Variants in PFKFB2 observed in about 807,000 individuals in gnomAD.
The protein encoded by PFKFB2 is 6-phosphofructo-2-kinase/fructose-2,6-biphosphatase 2, also known as 6-phosphofructo-2-kinase/fructose-2,6-bisphosphatase 2.
In PFKFB2, 53 loss-of-function variants were observed where a neutral mutation model predicts 68.0. The observed-to-expected ratio is 0.78, with a 90% CI of 0.63 to 0.98. The LOEUF (loss-of-function observed/expected upper bound fraction) is 0.98. PFKFB2 is among the 50% of genes least tolerant of loss of function. The pLI is 0.00. For synonymous variants in PFKFB2, 222 were observed against 227.6 expected (o/e 0.98, Z 0.22); for missense variants, 451 against 642.0 (o/e 0.70, Z 3.22).
chr1:207,069,557 T>G, intron 11 of PFKFB2, 29 bp downstream of exon 11: 1 of 1,377,146 alleles, frequency 7.3e-7, no homozygotes, highest in Non-Finnish European at 1.0e-6. Context: ...GTAAAGTGAC[T>G]GCCTAGACCC....
Position 207,074,097 on chromosome 1 carries a change from G to A in PFKFB2, c.*1726G>A, listed in dbSNP as rs1007764318. 16 of 895,848 alleles carry A rather than the reference G, an allele frequency of 1.8e-5. No individual in the cohort carries two copies. Among genetic ancestry groups the A allele is most frequent in the Non-Finnish European group, 5.3e-6 (4 of 749,244 alleles). The allele number at this position is 895,848 out of a possible 1,614,324, so 55.5% of individuals were successfully genotyped here. A position where few individuals can be genotyped will look rare whatever the true frequency, so the allele number is the denominator to read the frequency against. On this transcript the variant is annotated 3_prime_UTR_variant, in exon 15 of 15. Transcript: ENST00000367080. ...CTTAATACTGACTCAGAATCTCTGG[G>A]ATCTGGGTCTGGACATGCATGTATT...
chr1:207,055,494 A>T (rs1280332808), intron 2 of PFKFB2, among the ~76,000 whole-genome samples: 2 of 152,162 alleles, frequency 1.3e-5, no homozygotes, highest in Non-Finnish European at 2.9e-5. Flanking sequence ...ATTTCTAAGC[A>T]TCATAGGCTG....
At chr1:207,079,130 G>A, downstream of PFKFB2, 1 of 901,160 alleles carries the variant, frequency 1.1e-6, no homozygotes, top group Non-Finnish European at 1.8e-6. Context: ...ACTGGACTTT[G>A]GGGGCCACCA....
chr1:207,048,556 C>T (rs41277170), upstream of PFKFB2: 2,377 of 156,892 alleles, frequency 0.015, 45 homozygotes, highest in East Asian at 0.078. Context: ...TCACAGGAGG[C>T]CTTCCACATT....
At chr1:207,042,945 A>G (rs1039991839) in intron 2 of PFKFB2, among the ~76,000 whole-genome samples, 1 of 152,212 alleles carries the variant, frequency 6.6e-6, no homozygotes, top group African/African-American at 2.4e-5. Context: ...AAACTGGTAT[A>G]AGCCATAAGA....
intron 10 of PFKFB2, 116 bp from the exon 11 acceptor site, chr1:207,069,308 C>G: frequency 1.4e-6 from 1 of 704,522 alleles, no homozygotes; most frequent in Non-Finnish European, 2.5e-6. Context: ...GGACCCAGCA[C>G]AGTGCCTGGC....
At chr1:207,041,340 C>T (rs544669726) in intron 1 of PFKFB2, among the ~76,000 whole-genome samples, 4 of 152,010 alleles carry the variant, frequency 2.6e-5, no homozygotes, top group Admixed American at 6.5e-5. Context: ...CCCATGAACC[C>T]GTCATCTACA....
chr1:207,077,585 G>C lies in PFKFB2; in HGVS notation c.*5214G>C, dbSNP rs886991067. The C allele has an allele frequency of 7.1e-6, 7 of 985,794 alleles. No individual in the cohort carries two copies. Among genetic ancestry groups the C allele is most frequent in the Non-Finnish European group, 8.4e-6 (7 of 829,908 alleles). 61.1% of individuals were successfully genotyped at this position (985,794 alleles called of 1,614,324 possible). On this transcript the variant is annotated 3_prime_UTR_variant, in exon 15 of 15. Coordinates refer to ENST00000367080, the MANE Select transcript of PFKFB2 (RefSeq NM_006212.2). ...GGCTGAGCACCTCTGGGTTGAATGG[G>C]AATGGGTCAGATTGGGAAGCCTAGG...
chr1:207,050,828 C>T, upstream of PFKFB2: 1 of 1,613,182 alleles, frequency 6.2e-7, no homozygotes, highest in Non-Finnish European at 8.5e-7. Flanking sequence ...TTCCCGCACC[C>T]GGGTCCGGCT....
chr1:207,064,421 A>G (rs1203902168), intron 7 of PFKFB2, among the ~76,000 whole-genome samples: 1 of 152,100 alleles, frequency 6.6e-6, no homozygotes, highest in Non-Finnish European at 1.5e-5. Flanking sequence ...AGAAAAAAAA[A>G]AAAGAATAGA....
upstream of PFKFB2, among the ~76,000 whole-genome samples, chr1:207,052,488 C>T (rs1009268566): frequency 6.6e-6 from 1 of 152,020 alleles, no homozygotes; most frequent in African/African-American, 2.4e-5. Flanking sequence ...ATGGAGAAAC[C>T]CCGTCTCTAC....
chr1:207,055,004 G>A, intron 2 of PFKFB2: 2 of 518,968 alleles, frequency 3.9e-6, no homozygotes, highest in East Asian at 3.4e-5. Context: ...TTGACTACTG[G>A]TGTAGTCCAG....
chr1:207,047,280 T>C (rs1682623285), intron 2 of PFKFB2: 1 of 152,562 alleles, frequency 6.6e-6, no homozygotes. Context: ...CTAAAATAAC[T>C]ATGCACACAA....
intron 1 of PFKFB2, among the ~76,000 whole-genome samples, chr1:207,040,521 A>G (rs1268044997): frequency 6.6e-6 from 1 of 151,468 alleles, no homozygotes; most frequent in Non-Finnish European, 1.5e-5. Context: ...AGCTATTAAT[A>G]GTTTCTTAGG....
At chr1:207,050,070 G>T (rs1230988975), upstream of PFKFB2, among the ~76,000 whole-genome samples, 1 of 152,162 alleles carries the variant, frequency 6.6e-6, no homozygotes, top group African/African-American at 2.4e-5. Context: ...CCGCTAGGGG[G>T]TTCTCCTTCT....
In PFKFB2 at chr1:207,061,963, C is replaced by A. The variant is rs751945805; in HGVS notation, c.96C>A (p.Ser32=). The change falls in exon 3 of 15, where the codon TCC becomes TCA. Residue 32 remains serine, a synonymous_variant. Transcript: ENST00000367080. Reference sequence around the variant, plus strand: ...TTCATTTCCTTCTAGCATGGGCCTCCTACATGACCAACTCCCCGACTCTGA... The same window carrying A: ...TTCATTTCCTTCTAGCATGGGCCTCATACATGACCAACTCCCCGACTCTGA... ...RMSEKKCSWA[S]YMTNSPTLIV... is the part of the protein sequence containing the mutation. The A allele has an allele frequency of 6.2e-7, 1 of 1,613,948 alleles. No individual in the cohort carries two copies. Among genetic ancestry groups the A allele is most frequent in the Non-Finnish European group, 8.5e-7 (1 of 1,179,920 alleles).
At chr1:207,060,158 G>T (rs1469419216) in intron 2 of PFKFB2, among the ~76,000 whole-genome samples, 1 of 152,186 alleles carries the variant, frequency 6.6e-6, no homozygotes, top group African/African-American at 2.4e-5. Flanking sequence ...GCCCCTGTGA[G>T]CAAAGTGATG....
In PFKFB2 at chr1:207,068,095, A is replaced by AGT. The variant is rs4030464; in HGVS notation, c.841-47_841-46dup. 0.017 allele frequency: 18,519 copies of AGT among 1,086,030 alleles called. 1,070 individuals carry two copies. In the African/African-American group the frequency reaches 0.21, roughly 12 times the overall value. The allele number at this position is 1,086,030 out of a possible 1,614,324, so 67.3% of individuals were successfully genotyped here. ...GCAGGCTTTGTGTATGTGTGTGTTG[A>AGT]GTGTGTGTGTGTGTGTGTGTGTCTG... On this transcript the variant is annotated intron_variant, in intron 9 of 14. Coordinates refer to ENST00000367080, the MANE Select transcript of PFKFB2 (RefSeq NM_006212.2).
downstream of PFKFB2, chr1:207,080,119 G>C (rs967750624): frequency 6.6e-5 from 10 of 152,194 alleles, no homozygotes; most frequent in Non-Finnish European, 1.3e-4. Context: ...CTCTTCCCCA[G>C]TGATTGTCAA....
Sources: allele counts gnomAD v4.1 joint callset (sites outside exome capture counted in the v4.1 genomes callset), GRCh38; gene constraint gnomAD v4.1.1; transcripts MANE v1.5; gene names NCBI Gene and HGNC (gene_info 2026-07-23, HGNC 2026-07-21).